TEX11: variants seen among roughly 807,000 people sequenced by gnomAD.
The protein encoded by TEX11 is testis-expressed protein 11.
A neutral mutation model predicts 84.4 loss-of-function variants in TEX11; 7 were observed. The ratio of observed to expected loss-of-function variants is 0.08; its 90% CI spans 0.05 to 0.16. The LOEUF (loss-of-function observed/expected upper bound fraction) is 0.16. Among genes scored for constraint, TEX11 ranks in the 10% least tolerant of loss-of-function variants. The probability of loss-of-function intolerance (pLI) is 1.00; values close to 1 mark genes in which losing one functional copy is unlikely to be tolerated. For synonymous variants in TEX11, 264 were observed against 222.8 expected, an observed-to-expected ratio of 1.18 and a Z score of -1.64; for missense variants, 551 against 660.5, an observed-to-expected ratio of 0.83 and a Z score of 1.82.
At chrX:70,549,965 G>T (rs2088191680) in intron 28 of TEX11, among the ~76,000 whole-genome samples, 1 of 112,580 alleles carries the variant, frequency 8.9e-6, no homozygotes, top group Admixed American at 9.3e-5. Flanking sequence ...GTGCTGTGCT[G>T]GCTTCAGGTC....
At chrX:70,759,066 G>A (rs2090889858) in intron 9 of TEX11, among the ~76,000 whole-genome samples, 2 of 111,510 alleles carry the variant, frequency 1.8e-5, no homozygotes, top group Admixed American at 1.9e-4. Flanking sequence ...ACTAAACCAG[G>A]AAGAAGTTGA....
intron 7 of TEX11, among the ~76,000 whole-genome samples, chrX:70,843,928 G>A (rs1476710944): frequency 9.0e-6 from 1 of 111,551 alleles, no homozygotes; most frequent in African/African-American, 3.3e-5. Context: ...TCTCACACCA[G>A]TTAGAATGGC....
chrX:70,825,332 C>T (rs1039961908), intron 8 of TEX11, among the ~76,000 whole-genome samples: 9 of 106,804 alleles, frequency 8.4e-5, no homozygotes, highest in African/African-American at 3.1e-4. Context: ...TATATATACA[C>T]ATATATTTAT....
chrX:70,564,843 T>G (rs2088435572), intron 25 of TEX11, among the ~76,000 whole-genome samples: 1 of 110,706 alleles, frequency 9.0e-6, no homozygotes, highest in Admixed American at 9.7e-5. Flanking sequence ...TTTCCTATTG[T>G]GAATAGTGCC....
At chrX:70,528,326 T>C (rs990498843), downstream of TEX11, among the ~76,000 whole-genome samples, 2 of 111,290 alleles carry the variant, frequency 1.8e-5, no homozygotes, top group African/African-American at 6.5e-5. Context: ...AGTTCCTTTT[T>C]TTGTTTTTCG....
chrX:70,612,006 A>C (rs961820700), intron 20 of TEX11, among the ~76,000 whole-genome samples: 1 of 110,796 alleles, frequency 9.0e-6, no homozygotes, highest in Non-Finnish European at 1.9e-5. Context: ...GTGGTTGCAC[A>C]TGCCTGCAGT....
chrX:70,612,667 A>G (rs1448656452), intron 20 of TEX11, among the ~76,000 whole-genome samples: 1 of 111,867 alleles, frequency 8.9e-6, no homozygotes, highest in Non-Finnish European at 1.9e-5. Context: ...ATAGAACAGA[A>G]TATCCAAGGA....
chrX:70,763,824 C>A (rs2090924128), intron 9 of TEX11, among the ~76,000 whole-genome samples: 1 of 111,167 alleles, frequency 9.0e-6, no homozygotes, highest in Non-Finnish European at 1.9e-5. Context: ...CACTGGAGCA[C>A]CCAGATATAT....
chrX:70,591,624 G>GAA (rs1027242288), intron 25 of TEX11, 127 bp downstream of exon 25: 85 of 428,821 alleles, frequency 2.0e-4, no homozygotes, highest in Non-Finnish European at 2.4e-4. Flanking sequence ...CAAAACAACA[G>GAA]AAAAAAAAAA....
chrX:70,530,300 G>A (rs1313416078), intron 28 of TEX11, among the ~76,000 whole-genome samples: 1 of 111,799 alleles, frequency 8.9e-6, no homozygotes, highest in Non-Finnish European at 1.9e-5. Context: ...ACTGTTTGGG[G>A]CTTCCCTTGA....
chrX:70,613,432 T>C (rs1174576363), intron 20 of TEX11, among the ~76,000 whole-genome samples: 1 of 111,843 alleles, frequency 8.9e-6, no homozygotes, highest in South Asian at 3.8e-4. Context: ...CTGAACTCAG[T>C]GCTGCCCTGT....
intron 9 of TEX11, among the ~76,000 whole-genome samples, chrX:70,754,416 C>A (rs2090852403): frequency 9.0e-6 from 1 of 111,456 alleles, no homozygotes; most frequent in Admixed American, 9.6e-5. Flanking sequence ...TAACTGACAG[C>A]TCAGTCACAG....
intron 25 of TEX11, among the ~76,000 whole-genome samples, chrX:70,559,337 A>G (rs2088331700): frequency 8.9e-6 from 1 of 112,623 alleles, no homozygotes; most frequent in Non-Finnish European, 1.9e-5. Context: ...ATATAATTTT[A>G]TTTAAATGAA....
At chrX:70,902,528 G>T (rs1250163992) in intron 2 of TEX11, among the ~76,000 whole-genome samples, 3 of 111,410 alleles carry the variant, frequency 2.7e-5, no homozygotes, top group Non-Finnish European at 5.7e-5. Flanking sequence ...AGCTTTGTTT[G>T]TTTGTTTGTT....
At chrX:70,660,671 T>C (rs1344771996) in intron 16 of TEX11, among the ~76,000 whole-genome samples, 1 of 112,151 alleles carries the variant, frequency 8.9e-6, no homozygotes, top group African/African-American at 3.2e-5. Context: ...TCTGGAATAC[T>C]TCCTGAAGGA....
intron 7 of TEX11, among the ~76,000 whole-genome samples, chrX:70,850,648 G>A (rs68056115): frequency 0.22 from 24,444 of 109,367 alleles, 2,171 homozygotes; most frequent in Admixed American, 0.4. Flanking sequence ...TTACCTACTC[G>A]GGAGGTTGAG....
chrX:70,850,413 T>A (rs1436027381), intron 7 of TEX11, among the ~76,000 whole-genome samples: 1 of 110,659 alleles, frequency 9.0e-6, no homozygotes, highest in Admixed American at 9.7e-5. Flanking sequence ...TTACGTCACA[T>A]CACTGATTTA....
At chrX:70,737,693 C>A (rs35632475) in intron 11 of TEX11, among the ~76,000 whole-genome samples, 7,470 of 87,308 alleles carry the variant, frequency 0.086, 573 homozygotes, top group African/African-American at 0.25. Context: ...ACCCCCCCCC[C>A]AAAAAAAGCT....
At chrX:70,887,174 G>A (rs1319333679) in intron 2 of TEX11, among the ~76,000 whole-genome samples, 1 of 111,887 alleles carries the variant, frequency 8.9e-6, no homozygotes, top group Non-Finnish European at 1.9e-5. Context: ...TGGCTACAGG[G>A]AGAGACCCCT....
Sources: allele counts gnomAD v4.1 joint callset (sites outside exome capture counted in the v4.1 genomes callset), GRCh38; gene constraint gnomAD v4.1.1; transcripts MANE v1.5; gene names NCBI Gene and HGNC (gene_info 2026-07-23, HGNC 2026-07-21).